Variants in CEP72 observed in about 807,000 individuals in gnomAD.
CEP72 encodes centrosomal protein of 72 kDa.
Under a neutral mutation model 65.7 loss-of-function variants are expected in CEP72, and 78 were observed. That is an observed-to-expected ratio of 1.19 (90% CI 0.99 to 1.43). The LOEUF is 1.43. Ranked by LOEUF, CEP72 falls within the 40% of genes most tolerant of loss-of-function variation. The pLI is 0.00. For missense variants in CEP72, 914 were observed against 832.9 expected, an observed-to-expected ratio of 1.10 and a Z score of -1.20; for synonymous variants, 358 against 351.7, an observed-to-expected ratio of 1.02 and a Z score of -0.20.
At chr5:649,799 CTG>C (rs1453444951) in intron 11 of CEP72, among the ~76,000 whole-genome samples, 7 of 60,232 alleles carry the variant, frequency 1.2e-4, no homozygotes, top group South Asian at 1.3e-3. Context: ...TGAGGTGTGA[CTG>C]TGAGGTGTGA....
chr5:635,292 A>G (rs1737509664), intron 5 of CEP72, 80 bp from the exon 6 acceptor site: 1 of 1,134,826 alleles, frequency 8.8e-7, no homozygotes, highest in Admixed American at 2.1e-5. Context: ...TACACTATTC[A>G]GAAGCTTAAA....
At chr5:664,837 G>A (rs16900955) in intron 2 of CEP72, 10,782 of 494,880 alleles carry the variant, frequency 0.022, 148 homozygotes, top group African/African-American at 0.028. Context: ...TGTGATCCGC[G>A]AGACACTTTG....
At chr5:627,404 G>A (rs1736826166) in intron 4 of CEP72, among the ~76,000 whole-genome samples, 1 of 79,524 alleles carries the variant, frequency 1.3e-5, no homozygotes, top group African/African-American at 1.1e-4. Context: ...TTGAACTTTT[G>A]GATTAGGGCT....
chr5:650,003 CGTGGACTGTGAGGT>C (rs1738862820), intron 11 of CEP72, among the ~76,000 whole-genome samples: 1 of 73,548 alleles, frequency 1.4e-5, no homozygotes, highest in African/African-American at 5.5e-5. Flanking sequence ...GACTGTGAGG[CGTGGACTGTGAGGT>C]GTGACTGTGA....
At chr5:654,798 C>T (rs951372079), downstream of CEP72, among the ~76,000 whole-genome samples, 2 of 134,568 alleles carry the variant, frequency 1.5e-5, no homozygotes, top group Admixed American at 1.6e-4. Flanking sequence ...AAGTTGCAGC[C>T]ACTACTCATA....
intron 6 of CEP72, among the ~76,000 whole-genome samples, chr5:636,013 G>T (rs1286708560): frequency 3.0e-4 from 46 of 152,226 alleles, no homozygotes; most frequent in Admixed American, 3.0e-3. Context: ...CCTGAGGGCT[G>T]GCCCTGTGAC....
At chr5:675,652 C>T in the CEP72 span, among the ~76,000 whole-genome samples, 1 of 151,844 alleles carries the variant, frequency 6.6e-6, no homozygotes, top group Non-Finnish European at 1.5e-5. Flanking sequence ...GTTGGACGGA[C>T]CCTCGAGGGC....
chr5:667,452 T>C (rs1739967334), downstream of CEP72, among the ~76,000 whole-genome samples: 1 of 152,188 alleles, frequency 6.6e-6, no homozygotes, highest in Non-Finnish European at 1.5e-5. Context: ...ATTATGAAAC[T>C]AAAACTTCTA....
chr5:653,950 C>G (rs1316299888), downstream of CEP72, among the ~76,000 whole-genome samples: 1 of 151,612 alleles, frequency 6.6e-6, no homozygotes, highest in East Asian at 1.9e-4. Context: ...ATGCTCTGTG[C>G]TAGCTCTGTG....
intron 9 of CEP72, chr5:641,513 C>A: frequency 1.0e-6 from 1 of 984,180 alleles, no homozygotes; most frequent in African/African-American, 1.8e-5. Context: ...ACAACGCTTC[C>A]TCTTTAGAGA....
At chr5:672,734 C>T in the CEP72 span, among the ~76,000 whole-genome samples, 21 of 152,346 alleles carry the variant, frequency 1.4e-4, no homozygotes, top group African/African-American at 3.4e-4. Flanking sequence ...TCCCACCGCC[C>T]GTGGTCCGGT....
chr5:649,978 T>TG (rs778071700), intron 11 of CEP72, among the ~76,000 whole-genome samples: 2 of 53,500 alleles, frequency 3.7e-5, no homozygotes, highest in East Asian at 8.3e-4. Flanking sequence ...CTGTGAGGTG[T>TG]GACTGTGAGG....
chr5:640,374 A>G, intron 8 of CEP72, 34 bp from the exon 9 acceptor site: 1 of 1,596,664 alleles, frequency 6.3e-7, no homozygotes, highest in Non-Finnish European at 8.6e-7. Context: ...CTTTAAGCCT[A>G]AGTGCTAATG....
the CEP72 span, among the ~76,000 whole-genome samples, chr5:675,188 GGTGTGGCCA>G: frequency 3.2e-5 from 2 of 63,046 alleles, no homozygotes; most frequent in Non-Finnish European, 2.8e-5. Flanking sequence ...TGGAGGGTAC[GGTGTGGCCA>G]GGGGTTCAGT....
downstream of CEP72, among the ~76,000 whole-genome samples, chr5:659,146 T>C (rs1739480162): frequency 2.0e-5 from 3 of 152,274 alleles, no homozygotes; most frequent in African/African-American, 7.2e-5. Flanking sequence ...CCCATGCTTA[T>C]GGCATGTGTG....
rs772377622 is a variant in CEP72 at position 635,514 on chromosome 5, G to A, written c.834G>A (p.Pro278=). Residue 278 remains proline (P), a synonymous_variant, in exon 6 of 12, where the codon CCG becomes CCA. Transcript: ENST00000264935. The part of the protein sequence containing the change: ...MPWSQLCGEL[P]PLYGAEPEAS... Reference sequence around the variant, plus strand: ...GGAGCCAGCTCTGTGGAGAGCTTCCGCCACTGTACGGAGCGGAGCCAGAGG... The same window carrying A: ...GGAGCCAGCTCTGTGGAGAGCTTCCACCACTGTACGGAGCGGAGCCAGAGG... 85 of 1,614,076 alleles carry A rather than the reference G, an allele frequency of 5.3e-5. No homozygotes were observed. Among genetic ancestry groups the A allele is most frequent in the South Asian group, 1.5e-4 (14 of 91,082 alleles).
chr5:617,203 C>A (rs1020917094), intron 1 of CEP72, among the ~76,000 whole-genome samples: 1 of 152,188 alleles, frequency 6.6e-6, no homozygotes. Context: ...GCGCTGGGTT[C>A]TCTCTCGAGT....
rs1369793058 is a variant in CEP72 at position 635,501 on chromosome 5, G to T, written c.821G>T (p.Cys274Phe). The T allele has an allele frequency of 6.2e-7, 1 of 1,614,050 alleles. No homozygotes were observed. Among genetic ancestry groups the T allele is most frequent in the Admixed American group, 1.7e-5 (1 of 60,026 alleles). ...CLEKMPWSQL[C>F]GELPPLYGAE... ...GAGAAGATGCCTTGGAGCCAGCTCT[G>T]TGGAGAGCTTCCGCCACTGTACGGA... Residue 274 changes from cysteine to phenylalanine, a missense_variant, in exon 6 of 12, where the codon TGT becomes TTT. By Grantham distance (205) the Cys-to-Phe change is radical. Coordinates refer to ENST00000264935, the MANE Select transcript of CEP72 (RefSeq NM_018140.4).
intron 11 of CEP72, among the ~76,000 whole-genome samples, chr5:648,856 T>G (rs200527788): frequency 9.6e-4 from 13 of 13,542 alleles, no homozygotes; most frequent in African/African-American, 1.6e-3. Flanking sequence ...GACTGTGAGG[T>G]GTGACTGTGA....
Sources: gnomAD v4.1 joint callset for allele counts (sites outside exome capture counted in the v4.1 genomes callset) on GRCh38, gnomAD v4.1.1 for gene constraint, MANE v1.5 for transcripts, NCBI Gene and HGNC (gene_info 2026-07-23, HGNC 2026-07-21) for gene names.